The following FAM53B variants were observed in gnomAD, a reference collection of about 807,000 sequenced individuals.
FAM53B encodes protein FAM53B.
In FAM53B, 12 loss-of-function variants were observed where a neutral mutation model predicts 32.7. The ratio of observed to expected loss-of-function variants is 0.37; its 90% confidence interval spans 0.24 to 0.59. FAM53B has a LOEUF of 0.59. Among genes scored for constraint, FAM53B ranks in the 20% least tolerant of loss-of-function variants. The pLI is 0.72. For synonymous variants in FAM53B, 234 were observed against 228.7 expected, an observed-to-expected ratio of 1.02 and a Z score of -0.21; for missense variants, 477 against 577.7, an observed-to-expected ratio of 0.83 and a Z score of 1.79.
At position 124,620,428 on chromosome 10, in the gene FAM53B, G is replaced by C. The variant is rs1171228192; in HGVS notation, c.*2814C>G. The C allele has an allele frequency of 6.7e-6, 1 of 150,184 alleles. No homozygotes were observed. Among genetic ancestry groups the C allele is most frequent in the Non-Finnish European group, 1.5e-5 (1 of 67,906 alleles). 9.3% of individuals were successfully genotyped at this position (150,184 alleles called of 1,614,324 possible). On this transcript the variant is annotated 3_prime_UTR_variant, in exon 5 of 5. Transcript: ENST00000337318. ...GACCCCATGAGCAGGCAGATGGCCT[G>C]GCACGGCTTGCTTCTGGCTCTGCCC...
Position 124,623,594 on chromosome 10 carries a change from G to T in FAM53B, c.917C>A (p.Thr306Asn), listed in dbSNP as rs757635983. 3.7e-6 allele frequency: 6 copies of T among 1,609,602 alleles called. No individual in the cohort carries two copies. Among genetic ancestry groups the T allele is most frequent in the Non-Finnish European group, 5.1e-6 (6 of 1,179,512 alleles). The stretch of plus-strand genomic sequence containing the variant: ...GCTCAGGCAGCTGAGGCTGCTGAAG[G>T]TCTGACAGTTCTGTGGAGGGGCAGA... ...DLAKMAQNCQ[T>N]FSSLSCLSAG... The change falls in exon 5 of 5, where the codon ACC becomes AAC. Residue 306 changes from threonine to asparagine, a missense_variant. Transcript: ENST00000337318.
intron 4 of FAM53B, among the ~76,000 whole-genome samples, chr10:124,628,559 AG>A (rs1949370033): frequency 1.3e-5 from 2 of 152,184 alleles, no homozygotes; most frequent in Admixed American, 1.3e-4. Flanking sequence ...GTCTCTGGCC[AG>A]GCTGCTTCAC....
intron 4 of FAM53B, among the ~76,000 whole-genome samples, chr10:124,643,175 T>A (rs1949488052): frequency 6.6e-6 from 1 of 152,228 alleles, no homozygotes; most frequent in Admixed American, 6.5e-5. Flanking sequence ...CGTCAATTGT[T>A]GGAACGCTCA....
intron 2 of FAM53B, among the ~76,000 whole-genome samples, chr10:124,700,876 C>G (rs1377540910): frequency 6.6e-6 from 1 of 152,192 alleles, no homozygotes; most frequent in Non-Finnish European, 1.5e-5. Context: ...TGCGGGGGAA[C>G]GAGTGGAGCA....
At chr10:124,698,334 G>C (rs1258063076) in intron 2 of FAM53B, among the ~76,000 whole-genome samples, 1 of 152,088 alleles carries the variant, frequency 6.6e-6, no homozygotes, top group Non-Finnish European at 1.5e-5. Flanking sequence ...CATGCAGGAG[G>C]GCTTGGGGCT....
At chr10:124,657,817 A>G (rs1949603438) in intron 4 of FAM53B, among the ~76,000 whole-genome samples, 1 of 152,212 alleles carries the variant, frequency 6.6e-6, no homozygotes, top group Non-Finnish European at 1.5e-5. Context: ...ACGAATGAGG[A>G]AACAGGATCA....
chr10:124,729,647 A>T (rs1950128734), intron 1 of FAM53B, among the ~76,000 whole-genome samples: 2 of 152,250 alleles, frequency 1.3e-5, no homozygotes, highest in Non-Finnish European at 2.9e-5. Flanking sequence ...GTAACCATGT[A>T]AACCAAACAT....
At chr10:124,624,696 C>G (rs767125073) in intron 4 of FAM53B, among the ~76,000 whole-genome samples, 1 of 151,010 alleles carries the variant, frequency 6.6e-6, no homozygotes, top group Non-Finnish European at 1.5e-5. Context: ...CAGGCCAGTT[C>G]TGCTTGGCGT....
intron 4 of FAM53B, among the ~76,000 whole-genome samples, chr10:124,659,817 G>A (rs188110660): frequency 4.3e-4 from 65 of 152,324 alleles, no homozygotes; most frequent in Non-Finnish European, 6.3e-4. Flanking sequence ...CTTTTGTTTT[G>A]TTTTTTGAGA....
At chr10:124,644,811 G>C (rs1169650552) in intron 4 of FAM53B, among the ~76,000 whole-genome samples, 1 of 152,222 alleles carries the variant, frequency 6.6e-6, no homozygotes, top group African/African-American at 2.4e-5. Flanking sequence ...TTTCCAGCCA[G>C]AGCCTGCTCT....
intron 2 of FAM53B, among the ~76,000 whole-genome samples, chr10:124,702,400 C>T (rs1949920492): frequency 6.6e-6 from 1 of 152,266 alleles, no homozygotes; most frequent in Non-Finnish European, 1.5e-5. Context: ...AAAGCAAATG[C>T]TAGCATCAGC....
chr10:124,623,963 C>T, intron 4 of FAM53B: 1 of 229,578 alleles, frequency 4.4e-6, no homozygotes, highest in East Asian at 9.4e-5. Context: ...TATCCAATTC[C>T]TTGATCAGGT....
At chr10:124,625,897 C>T (rs937682874) in intron 4 of FAM53B, among the ~76,000 whole-genome samples, 7 of 152,232 alleles carry the variant, frequency 4.6e-5, no homozygotes, top group African/African-American at 1.7e-4. Context: ...CCCGGGGAGC[C>T]TGACCCACCT....
intron 1 of FAM53B, among the ~76,000 whole-genome samples, chr10:124,736,960 G>T (rs965807456): frequency 6.6e-6 from 1 of 152,236 alleles, no homozygotes; most frequent in African/African-American, 2.4e-5. Flanking sequence ...AAGCAGCAGG[G>T]TGTGGTAGAA....
In FAM53B at chr10:124,681,616, C is replaced by G; in HGVS notation, c.897G>C (p.Lys299Asn). The change falls in exon 4 of 5, where the codon AAG becomes AAC. Residue 299 changes from lysine (K) to asparagine (N), a missense_variant. Around this residue, in one of 2 missense-constraint regions of FAM53B, gnomAD observed 312 missense variants for 420.2 expected, o/e 0.74. Transcript: ENST00000337318. ...QEQRPSLDLA[K>N]MAQNCQTFSS... ...CTGCTGGGGCTCTTACCTGTGCCAT[C>G]TTGGCAAGGTCTAGAGAAGGCCTCT... 1 of 1,595,422 alleles carries G rather than the reference C, an allele frequency of 6.3e-7. No individual in the cohort carries two copies. The highest frequency in any genetic ancestry group is 8.6e-7 in the Non-Finnish European group (1 of 1,167,924).
At chr10:124,640,831 A>G (rs1401678835) in intron 4 of FAM53B, among the ~76,000 whole-genome samples, 1 of 152,078 alleles carries the variant, frequency 6.6e-6, no homozygotes, top group East Asian at 1.9e-4. Context: ...GAGCGCAGGA[A>G]GAGAGGAGGA....
At chr10:124,649,647 A>G (rs2134049773) in intron 4 of FAM53B, among the ~76,000 whole-genome samples, 1 of 152,366 alleles carries the variant, frequency 6.6e-6, no homozygotes, top group South Asian at 2.1e-4. Context: ...GCCGCCTTCC[A>G]TGCAGAGTGT....
chr10:124,690,967 C>T (rs960349346), intron 3 of FAM53B, among the ~76,000 whole-genome samples: 1 of 152,096 alleles, frequency 6.6e-6, no homozygotes, highest in Admixed American at 6.5e-5. Flanking sequence ...AAAAATTGGG[C>T]CTGAGAAGCT....
chr10:124,730,539 C>A (rs1320620170), intron 1 of FAM53B, among the ~76,000 whole-genome samples: 1 of 152,228 alleles, frequency 6.6e-6, no homozygotes, highest in East Asian at 1.9e-4. Context: ...TCTTTTCTTT[C>A]AGCAGAATAC....
Sources: gnomAD v4.1 joint callset for allele counts (sites outside exome capture counted in the v4.1 genomes callset) on GRCh38, gnomAD v4.1.1 for gene constraint, gnomAD v4.1.1 regional missense constraint, MANE v1.5 for transcripts, NCBI Gene and HGNC (gene_info 2026-07-23, HGNC 2026-07-21) for gene names.